TEX15: variants seen among roughly 807,000 people sequenced by gnomAD.
TEX15 encodes testis-expressed protein 15.
Under a neutral mutation model 237.3 loss-of-function variants are expected in TEX15, and 171 were observed. That is an observed-to-expected ratio of 0.72 (90% CI 0.64 to 0.82). TEX15 has a LOEUF of 0.82. TEX15 is among the 40% of genes least tolerant of loss of function. The pLI is 0.00. For missense variants in TEX15, 3,750 were observed against 3,646.5 expected (o/e 1.03, Z -0.73); for synonymous variants, 1,338 against 1,269.8 (o/e 1.05, Z -1.14).
chr8:30,842,667 A>C lies in TEX15; in HGVS notation c.7500T>G (p.Asp2500Glu), dbSNP rs778557929. 3 of 1,612,686 alleles carry C rather than the reference A, an allele frequency of 1.9e-6. No individual in the cohort carries two copies. Among genetic ancestry groups the C allele is most frequent in the East Asian group, 4.5e-5 (2 of 44,844 alleles). Residue 2500 changes from aspartate to glutamate, a missense_variant, in exon 8 of 11, where the codon GAT (aspartate) becomes GAG (glutamate). Asp to Glu is a conservative substitution (Grantham distance 45). Transcript: ENST00000643185. ...EKMASFSFLKDNSTDVCLWKV... is the reference protein window; with the variant it reads ...EKMASFSFLKENSTDVCLWKV... ...TCCAAAGGCAAACATCTGTTGAGTT[A>C]TCTTTAAGAAATGAAAAAGAAGCCA...
At chr8:30,907,498 T>C (rs1809128873) in intron 1 of TEX15, among the ~76,000 whole-genome samples, 1 of 146,896 alleles carries the variant, frequency 6.8e-6, no homozygotes, top group Non-Finnish European at 1.5e-5. Flanking sequence ...ATAAAATGTA[T>C]ATATAAATTA....
chr8:30,832,764 A>C lies in TEX15; in HGVS notation c.*522T>G, dbSNP rs1179905217. 1 of 152,232 alleles carries C rather than the reference A, an allele frequency of 6.6e-6. No homozygotes were observed. Among genetic ancestry groups the C allele is most frequent in the Non-Finnish European group, 1.5e-5 (1 of 68,026 alleles). 9.4% of individuals were successfully genotyped at this position (152,232 alleles called of 1,614,324 possible). The stretch of plus-strand genomic sequence containing the variant: ...TGCTTCCAACATAAACATTTAAAAC[A>C]TCTCTACTCAAGGAAACACTGAGAT... On this transcript the variant is annotated 3_prime_UTR_variant, in exon 11 of 11. Coordinates refer to ENST00000643185, the MANE Select transcript of TEX15 (RefSeq NM_001350162.2).
At chr8:30,855,178 T>G (rs1807883430) in intron 7 of TEX15, among the ~76,000 whole-genome samples, 1 of 152,034 alleles carries the variant, frequency 6.6e-6, no homozygotes, top group Non-Finnish European at 1.5e-5. Context: ...GATGACATGA[T>G]CTTATATATA....
At chr8:30,894,564 T>C (rs1808856703) in intron 2 of TEX15, among the ~76,000 whole-genome samples, 1 of 152,168 alleles carries the variant, frequency 6.6e-6, no homozygotes, top group Non-Finnish European at 1.5e-5. Flanking sequence ...TTCACATATA[T>C]GGTGAAATGA....
chr8:30,885,337 T>C (rs1050889476), intron 3 of TEX15, among the ~76,000 whole-genome samples: 3 of 152,152 alleles, frequency 2.0e-5, no homozygotes, highest in African/African-American at 7.2e-5. Flanking sequence ...TGATAGTGAA[T>C]GGGTCTCATG....
In TEX15 at chr8:30,843,035, G is replaced by C. The variant is rs762931037; in HGVS notation, c.7132C>G (p.Gln2378Glu). The C allele has an allele frequency of 1.1e-5, 17 of 1,613,426 alleles. No individual in the cohort carries two copies. In the Admixed American group the frequency reaches 1.3e-4, roughly 13 times the overall value. ...DICCISEILDQAEFADLKKLQ... is the reference protein window; with the variant it reads ...DICCISEILDEAEFADLKKLQ... ...TTTTTAAGGTCTGCAAATTCAGCCT[G>C]ATCCAATATCTCACTAATACAACAA... Residue 2378 changes from glutamine (Q) to glutamate (E), a missense_variant, in exon 8 of 11, where the codon CAG (glutamine) becomes GAG (glutamate). Coordinates refer to ENST00000643185, the MANE Select transcript of TEX15 (RefSeq NM_001350162.2).
At chr8:30,852,168 G>C (rs1314923855) in intron 7 of TEX15, among the ~76,000 whole-genome samples, 1 of 123,548 alleles carries the variant, frequency 8.1e-6, no homozygotes, top group Non-Finnish European at 1.6e-5. Context: ...GCAGTGGCAC[G>C]ATCTCGGCTC....
At position 30,881,611 on chromosome 8, in the gene TEX15, T is replaced by A. The variant is rs1369559042; in HGVS notation, c.136+5556A>T. Among the ~76,000 whole-genome samples the A allele has an allele frequency of 3.4e-4, 40 of 116,214 alleles. 1 individual carries two copies. The highest frequency in any genetic ancestry group is 2.5e-3 in the African/African-American group (40 of 16,076). 76.2% of individuals were successfully genotyped at this position (116,214 alleles called of 152,430 possible). A position where few individuals can be genotyped will look rare whatever the true frequency, so the allele number is the denominator to read the frequency against. On this transcript the variant is annotated intron_variant, in intron 3 of 10. Transcript: ENST00000643185. ...TCATTAATTATCCTTCCATCTTGAC[T>A]TTTTATTTTTTTTTATTATTTTTTT... is the stretch of plus-strand genomic sequence containing the variant.
Position 30,847,813 on chromosome 8 carries a change from G to C in TEX15, c.2354C>G (p.Ser785Cys). 1 of 1,613,792 alleles carries C rather than the reference G, an allele frequency of 6.2e-7. No individual in the cohort carries two copies. The part of the protein sequence containing the change: ...KEMFIDTVIS[S>C]YNIETAHDSS... ...GTCATGAGCTGTTTCTATGTTATAAGATGAAATAACTGTATCAATGAACAT... is the reference window on the plus strand; with the variant it reads ...GTCATGAGCTGTTTCTATGTTATAACATGAAATAACTGTATCAATGAACAT... The change falls in exon 8 of 11, where the codon TCT (serine) becomes TGT (cysteine). Residue 785 changes from serine (S) to cysteine (C), a missense_variant. Ser to Cys is a moderately radical substitution (Grantham distance 112, BLOSUM62 -1). Coordinates refer to ENST00000643185, the MANE Select transcript of TEX15 (RefSeq NM_001350162.2).
At position 30,846,612 on chromosome 8, in the gene TEX15, T is replaced by C. The variant is rs778443291; in HGVS notation, c.3555A>G (p.Val1185=). The C allele has an allele frequency of 6.2e-7, 1 of 1,613,898 alleles. No homozygotes were observed. Among genetic ancestry groups the C allele is most frequent in the Admixed American group, 1.7e-5 (1 of 60,000 alleles). ...TTATTTCCGGTTTTGTGGCTTCAGTTACATGTGTGCAAAAACTATCTTTCA... is the reference window on the plus strand; with the variant it reads ...TTATTTCCGGTTTTGTGGCTTCAGTCACATGTGTGCAAAAACTATCTTTCA... ...LALKDSFCTH[V]TEATKPEINK... Residue 1185 remains valine, a synonymous_variant, in exon 8 of 11, where the codon GTA becomes GTG. Coordinates refer to ENST00000643185, the MANE Select transcript of TEX15 (RefSeq NM_001350162.2).
chr8:30,895,117 G>C (rs984179432), intron 2 of TEX15, among the ~76,000 whole-genome samples: 3 of 152,028 alleles, frequency 2.0e-5, no homozygotes, highest in African/African-American at 7.2e-5. Context: ...CTATAGGTTA[G>C]TTTGAACTGA....
intron 7 of TEX15, among the ~76,000 whole-genome samples, chr8:30,857,822 A>C (rs1807943046): frequency 6.6e-6 from 1 of 152,236 alleles, no homozygotes; most frequent in African/African-American, 2.4e-5. Flanking sequence ...AAACAAGTTA[A>C]AACCACAATG....
At chr8:30,840,271 C>A (rs1563229963) in intron 8 of TEX15, among the ~76,000 whole-genome samples, 1 of 152,020 alleles carries the variant, frequency 6.6e-6, no homozygotes, top group Non-Finnish European at 1.5e-5. Flanking sequence ...TATTGGCTCA[C>A]TGCAACCTCC....
chr8:30,851,931 C>A (rs1476673878), intron 7 of TEX15, among the ~76,000 whole-genome samples: 1 of 151,928 alleles, frequency 6.6e-6, no homozygotes, highest in East Asian at 1.9e-4. Context: ...AAGACCCCAT[C>A]TCAAAACAAA....
chr8:30,876,800 A>T (rs1040176892), intron 3 of TEX15, among the ~76,000 whole-genome samples: 2 of 152,178 alleles, frequency 1.3e-5, no homozygotes, highest in Non-Finnish European at 2.9e-5. Context: ...GTCCCTACCC[A>T]GATCTCATCT....
chr8:30,899,915 C>T (rs1808976526), intron 1 of TEX15, among the ~76,000 whole-genome samples: 1 of 152,156 alleles, frequency 6.6e-6, no homozygotes, highest in South Asian at 2.1e-4. Flanking sequence ...CAAGATAATA[C>T]TAGTGATTAT....
At chr8:30,872,112 G>GTT (rs201168966) in intron 4 of TEX15, among the ~76,000 whole-genome samples, 9,268 of 151,984 alleles carry the variant, frequency 0.061, 510 homozygotes, top group Admixed American at 0.19. Flanking sequence ...CAAGCCTCTG[G>GTT]GACCTTCCCA....
chr8:30,883,011 A>G (rs1808562508), intron 3 of TEX15, among the ~76,000 whole-genome samples: 1 of 151,536 alleles, frequency 6.6e-6, no homozygotes, highest in Non-Finnish European at 1.5e-5. Context: ...GCTCAAACAA[A>G]TCTCCCACCT....
At chr8:30,891,668 T>G (rs879708002) in intron 2 of TEX15, among the ~76,000 whole-genome samples, 1 of 151,682 alleles carries the variant, frequency 6.6e-6, no homozygotes, top group Non-Finnish European at 1.5e-5. Context: ...ATGAGGGAGG[T>G]TCACCATGTT....
Sources: allele counts gnomAD v4.1 joint callset (sites outside exome capture counted in the v4.1 genomes callset), GRCh38; gene constraint gnomAD v4.1.1; transcripts MANE v1.5; gene names NCBI Gene and HGNC (gene_info 2026-07-23, HGNC 2026-07-21).